Variants in ASMTL observed in about 807,000 individuals in gnomAD.
ASMTL encodes acetylserotonin O-methyltransferase like, also known as probable bifunctional dTTP/UTP pyrophosphatase/methyltransferase protein.
In ASMTL, 57 loss-of-function variants were observed where a neutral mutation model predicts 60.3. The observed-to-expected ratio is 0.95, with a 90% CI of 0.76 to 1.18. ASMTL has a LOEUF of 1.18. Among genes scored for constraint, ASMTL ranks in the 50% most tolerant of loss-of-function variants. The probability of loss-of-function intolerance (pLI) is 0.00; values close to 1 mark genes in which losing one functional copy is unlikely to be tolerated. For synonymous variants in ASMTL, 419 were observed against 373.0 expected (o/e 1.12, Z -1.42); for missense variants, 981 against 852.6 (o/e 1.15, Z -1.88).
At chrX:1,417,889 G>A in intron 11 of ASMTL, 84 bp downstream of exon 11, 1 of 1,507,614 alleles carries the variant, frequency 6.6e-7, no homozygotes, top group South Asian at 1.3e-5. Context: ...AGAAACACAG[G>A]TGCACACACA....
chrX:1,442,902 G>T (rs1358070064), intron 1 of ASMTL, among the ~76,000 whole-genome samples: 1 of 152,154 alleles, frequency 6.6e-6, no homozygotes, highest in African/African-American at 2.4e-5. Flanking sequence ...GCCTCCAGTG[G>T]GGGAGCCCCT....
chrX:1,449,722 ACCATCACCAGTAACTATCCC>A (rs2091308883), intron 1 of ASMTL, among the ~76,000 whole-genome samples: 3 of 49,034 alleles, frequency 6.1e-5, no homozygotes, highest in African/African-American at 2.0e-4. Flanking sequence ...GTAACTATCC[ACCATCACCAGTAACTATCCC>A]CCATCACCAG....
At chrX:1,442,362 A>G (rs767971315) in intron 1 of ASMTL, 45 bp from the exon 2 acceptor site, 72 of 1,609,284 alleles carry the variant, frequency 4.5e-5, no homozygotes, top group African/African-American at 9.4e-5. Flanking sequence ...GAAAGACCCT[A>G]TGAAAAGTGA....
intron 12 of ASMTL, among the ~76,000 whole-genome samples, chrX:1,410,844 T>C (rs1465016319): frequency 6.6e-6 from 1 of 150,510 alleles, no homozygotes; most frequent in Non-Finnish European, 1.5e-5. Context: ...GACCTGTGAC[T>C]GCTCCACTGC....
chrX:1,403,906 TGGATG>T (rs2089690186), intron 12 of ASMTL, among the ~76,000 whole-genome samples: 1 of 151,306 alleles, frequency 6.6e-6, no homozygotes. Context: ...ATGTATGAGA[TGGATG>T]GATGGGTGAA....
Position 1,439,158 on chromosome X carries a change from A to G in ASMTL, c.226-14T>C, listed in dbSNP as rs1350181521. 9 of 1,613,966 alleles carry G rather than the reference A, an allele frequency of 5.6e-6. No individual in the cohort carries two copies. Among genetic ancestry groups the G allele is most frequent in the Non-Finnish European group, 7.6e-6 (9 of 1,179,800 alleles). On this transcript the variant is annotated splice_polypyrimidine_tract_variant and intron_variant, in intron 2 of 12. Coordinates refer to ENST00000381317, the MANE Select transcript of ASMTL (RefSeq NM_004192.4). The stretch of plus-strand genomic sequence containing the variant: ...CCGCAGGTCTTTCTGTAAGAAAACC[A>G]GATTCCGGTTTACCGGTGACGTGCC...
Position 1,403,519 on chromosome X carries a change from T to G in ASMTL, c.1646-30A>C. 6 of 1,602,658 alleles carry G rather than the reference T, an allele frequency of 3.7e-6. 1 individual carries two copies. The highest frequency in any genetic ancestry group is 5.1e-6 in the Non-Finnish European group (6 of 1,171,898). On this transcript the variant is annotated intron_variant, in intron 12 of 12. Transcript: ENST00000381317. Reference sequence around the variant, plus strand: ...GGGAGACAGCAGAGAGCTGGAGTCCTGGCCAGCCAGGCGGGGATCCTTCAG... The same window carrying G: ...GGGAGACAGCAGAGAGCTGGAGTCCGGGCCAGCCAGGCGGGGATCCTTCAG...
intron 2 of ASMTL, 29 bp from the exon 3 acceptor site, chrX:1,439,173 G>C: frequency 6.2e-7 from 1 of 1,612,788 alleles, no homozygotes; most frequent in Non-Finnish European, 8.5e-7. Context: ...CCGGTTTACC[G>C]GTGACGTGCC....
In ASMTL at chrX:1,412,565, G is replaced by A. The variant is rs1214231929; in HGVS notation, c.1645+167C>T. 1.4e-4 allele frequency: 45 copies of A among 325,662 alleles called. 1 individual carries two copies. The highest frequency in any genetic ancestry group is 6.1e-4 in the South Asian group (5 of 8,212). 20.2% of individuals were successfully genotyped at this position (325,662 alleles called of 1,614,324 possible). A position where few individuals can be genotyped will look rare whatever the true frequency, so the allele number is the denominator to read the frequency against. On this transcript the variant is annotated intron_variant, in intron 12 of 12. Coordinates refer to ENST00000381317, the MANE Select transcript of ASMTL (RefSeq NM_004192.4). ...TTTAGTAGCGATGGGGTTTCACCAC[G>A]TTGGCCAGGCTGGTCTGAAACTCCT...
intron 12 of ASMTL, among the ~76,000 whole-genome samples, chrX:1,406,867 CAGAT>C (rs1229702887): frequency 1.7e-4 from 23 of 132,508 alleles, no homozygotes; most frequent in African/African-American, 4.1e-4. Context: ...GTGCATGGAA[CAGAT>C]GGATGGATGG....
intron 3 of ASMTL, among the ~76,000 whole-genome samples, chrX:1,436,070 G>A (rs1410854001): frequency 2.1e-4 from 32 of 152,164 alleles, no homozygotes; most frequent in Admixed American, 5.2e-4. Context: ...TGCGGACGTG[G>A]TGTAGTCATG....
rs2090815229 is a variant in ASMTL, at chrX:1,432,254, GC to G, written c.509+14del. The G allele has an allele frequency of 6.0e-6, 5 of 829,556 alleles. No homozygotes were observed. The highest frequency in any genetic ancestry group is 1.3e-5 in the South Asian group (1 of 74,670). 51.4% of individuals were successfully genotyped at this position (829,556 alleles called of 1,614,324 possible). On this transcript the variant is annotated intron_variant, in intron 6 of 12. Coordinates refer to ENST00000381317, the MANE Select transcript of ASMTL (RefSeq NM_004192.4). Reference sequence around the variant, plus strand: ...CACACGTGTCCCCCGTCCCCCCACCGCCCCCGAGACTCACATGGGCTCCCCG... The same window carrying G: ...CACACGTGTCCCCCGTCCCCCCACCGCCCCGAGACTCACATGGGCTCCCCG...
At position 1,412,858 on chromosome X, in the gene ASMTL, G is replaced by C. The variant is rs1441720448; in HGVS notation, c.1523-4C>G. 4 of 1,613,870 alleles carry C rather than the reference G, an allele frequency of 2.5e-6. No individual in the cohort carries two copies. The highest frequency in any genetic ancestry group is 3.4e-6 in the Non-Finnish European group (4 of 1,179,810). ...AGGGGGTCCCTGAAAAAGTCACCTG[G>C]TTTAAAGACAAAACGAGATACGTCC... is the stretch of plus-strand genomic sequence containing the variant. On this transcript the variant is annotated splice_polypyrimidine_tract_variant and splice_region_variant and intron_variant, in intron 11 of 12. Transcript: ENST00000381317.
intron 6 of ASMTL, among the ~76,000 whole-genome samples, chrX:1,429,755 C>T (rs1476447909): frequency 1.3e-5 from 2 of 151,752 alleles, no homozygotes; most frequent in African/African-American, 4.8e-5. Context: ...CAAGATCGCG[C>T]CACTGCACTC....
At chrX:1,424,075 G>C (rs2090547273) in intron 8 of ASMTL, among the ~76,000 whole-genome samples, 1 of 107,654 alleles carries the variant, frequency 9.3e-6, no homozygotes. Flanking sequence ...CCCATCCACT[G>C]ATGGATCCAC....
chrX:1,428,023 TG>T lies in ASMTL; in HGVS notation c.607del (p.His203ThrfsTer7), dbSNP rs1569533345. ...GAGCTTCACCAGCTGCTTGCAGAAG[TG>T]GTTCAGCGGGAATCCCACCACGTTC... ...FLNVVGFPLN[H>X]FCKQLVKLYY... On this transcript the variant is annotated frameshift_variant, in exon 7 of 13. Coordinates refer to ENST00000381317, the MANE Select transcript of ASMTL (RefSeq NM_004192.4). LOFTEE classifies it high-confidence loss of function. The T allele has an allele frequency of 6.2e-7, 1 of 1,613,508 alleles. No individual in the cohort carries two copies. The highest frequency in any genetic ancestry group is 8.5e-7 in the Non-Finnish European group (1 of 1,179,816).
intron 7 of ASMTL, among the ~76,000 whole-genome samples, chrX:1,427,029 T>G (rs1195507966): frequency 6.6e-6 from 1 of 152,004 alleles, no homozygotes; most frequent in Non-Finnish European, 1.5e-5. Context: ...AAAAAGGGTC[T>G]TTGCAGACGT....
intron 11 of ASMTL, among the ~76,000 whole-genome samples, chrX:1,416,612 C>T (rs1179876860): frequency 1.1e-4 from 16 of 151,772 alleles, no homozygotes; most frequent in Non-Finnish European, 2.1e-4. Context: ...CCCACACAGA[C>T]GCACAGAAAC....
At chrX:1,406,042 G>T (rs1185495359) in intron 12 of ASMTL, among the ~76,000 whole-genome samples, 1 of 151,584 alleles carries the variant, frequency 6.6e-6, no homozygotes, top group African/African-American at 2.4e-5. Context: ...GTAGACGATG[G>T]GTAGGTAGGT....
Sources: gnomAD v4.1 joint callset for allele counts (sites outside exome capture counted in the v4.1 genomes callset) on GRCh38, gnomAD v4.1.1 for gene constraint, MANE v1.5 for transcripts, NCBI Gene and HGNC (gene_info 2026-07-23, HGNC 2026-07-21) for gene names.